Variants in GPC5 observed in about 807,000 individuals in gnomAD.
GPC5 encodes glypican-5.
A neutral mutation model predicts 53.9 loss-of-function variants in GPC5; 47 were observed. That is an observed-to-expected ratio of 0.87 (90% CI 0.69 to 1.11). The LOEUF is 1.11. Ranked by LOEUF, GPC5 falls within the 50% of genes most tolerant of loss-of-function variation. The pLI is 0.00. For missense variants in GPC5, 748 were observed against 713.1 expected, an observed-to-expected ratio of 1.05 and a Z score of -0.56; for synonymous variants, 286 against 263.3, an observed-to-expected ratio of 1.09 and a Z score of -0.84.
intron 7 of GPC5, among the ~76,000 whole-genome samples, chr13:92,663,205 AT>A (rs1318166862): frequency 7.3e-5 from 11 of 151,464 alleles, no homozygotes; most frequent in Admixed American, 3.3e-4. Context: ...TCGGAGAATA[AT>A]TTTTTTTTAG....
chr13:92,210,082 C>A (rs1301747315), intron 7 of GPC5, among the ~76,000 whole-genome samples: 1 of 152,046 alleles, frequency 6.6e-6, no homozygotes. Context: ...GGTGGATCGG[C>A]CTTTCCCAGT....
intron 7 of GPC5, among the ~76,000 whole-genome samples, chr13:92,328,744 A>G (rs1313147186): frequency 6.6e-6 from 1 of 152,168 alleles, no homozygotes. Context: ...TCCACACTTC[A>G]GGGTGTTACT....
chr13:92,432,299 A>G (rs146695558), intron 7 of GPC5, among the ~76,000 whole-genome samples: 20 of 141,622 alleles, frequency 1.4e-4, no homozygotes, highest in Non-Finnish European at 2.6e-4. Context: ...AGTCAATGGT[A>G]TTTTTTTATG....
intron 6 of GPC5, among the ~76,000 whole-genome samples, chr13:91,958,779 A>C (rs1278950838): frequency 6.6e-6 from 1 of 152,110 alleles, no homozygotes; most frequent in Non-Finnish European, 1.5e-5. Context: ...CTGAATTACA[A>C]CTGGGTCAAG....
chr13:92,579,348 T>G (rs1346448204), intron 7 of GPC5, among the ~76,000 whole-genome samples: 2 of 137,904 alleles, frequency 1.5e-5, no homozygotes, highest in East Asian at 2.5e-4. Context: ...TCTGCTTCAT[T>G]ACCCTTCCCA....
At chr13:92,350,448 A>G (rs2043466668) in intron 7 of GPC5, among the ~76,000 whole-genome samples, 1 of 152,208 alleles carries the variant, frequency 6.6e-6, no homozygotes, top group Non-Finnish European at 1.5e-5. Flanking sequence ...ACAGAAAGGC[A>G]AATACATGTT....
intron 2 of GPC5, among the ~76,000 whole-genome samples, chr13:91,571,241 G>A (rs1323191595): frequency 6.6e-6 from 1 of 151,996 alleles, no homozygotes; most frequent in African/African-American, 2.4e-5. Context: ...TCCTGTATTT[G>A]GAGATAAACA....
chr13:92,599,684 A>G (rs113632999), intron 7 of GPC5, among the ~76,000 whole-genome samples: 4,728 of 152,252 alleles, frequency 0.031, 210 homozygotes, highest in African/African-American at 0.096. Context: ...CTTGCTGATA[A>G]GCGGTTGAAG....
intron 7 of GPC5, among the ~76,000 whole-genome samples, chr13:92,422,513 CACACACACACACACACACAA>C (rs1876619644): frequency 7.9e-5 from 12 of 151,074 alleles, no homozygotes; most frequent in African/African-American, 2.2e-4. Context: ...CACACACACA[CACACACACACACACACACAA>C]CTTCTTGGAA....
chr13:91,594,710 A>G (rs1465527137), intron 2 of GPC5, among the ~76,000 whole-genome samples: 1 of 151,928 alleles, frequency 6.6e-6, no homozygotes, highest in Non-Finnish European at 1.5e-5. Flanking sequence ...ACAGGGTCTC[A>G]CCCTGTCACC....
At chr13:91,798,024 CAT>C (rs2038074544) in intron 5 of GPC5, among the ~76,000 whole-genome samples, 1 of 152,060 alleles carries the variant, frequency 6.6e-6, no homozygotes, top group African/African-American at 2.4e-5. Context: ...AAGTAACTGA[CAT>C]AGGATTTGTG....
chr13:91,899,824 G>T (rs2039479333), intron 5 of GPC5, among the ~76,000 whole-genome samples: 1 of 152,122 alleles, frequency 6.6e-6, no homozygotes, highest in South Asian at 2.1e-4. Context: ...CCTCCTGAGG[G>T]TCTTCAGAGG....
intron 7 of GPC5, among the ~76,000 whole-genome samples, chr13:92,171,269 T>G (rs1012018830): frequency 5.9e-5 from 9 of 152,168 alleles, no homozygotes; most frequent in African/African-American, 2.2e-4. Flanking sequence ...AATTGTCCAT[T>G]TTTGCCTCTG....
intron 4 of GPC5, among the ~76,000 whole-genome samples, chr13:91,745,124 G>A (rs1028690319): frequency 1.3e-5 from 2 of 151,866 alleles, no homozygotes; most frequent in African/African-American, 4.8e-5. Context: ...ATGGAGAACA[G>A]AGGTAGTGTT....
chr13:91,417,740 G>A (rs1472709184), intron 1 of GPC5, among the ~76,000 whole-genome samples: 1 of 152,142 alleles, frequency 6.6e-6, no homozygotes, highest in Non-Finnish European at 1.5e-5. Flanking sequence ...CTTGTTATAA[G>A]CATATATGCC....
At chr13:91,589,294 C>T (rs7332973) in intron 2 of GPC5, among the ~76,000 whole-genome samples, 53,273 of 151,690 alleles carry the variant, frequency 0.35, 10,193 homozygotes, top group African/African-American at 0.51. Flanking sequence ...CTTGGGTTTC[C>T]TCCTTTGCCT....
At chr13:92,271,586 GT>G (rs2042840205) in intron 7 of GPC5, among the ~76,000 whole-genome samples, 1 of 152,164 alleles carries the variant, frequency 6.6e-6, no homozygotes, top group African/African-American at 2.4e-5. Flanking sequence ...AAAGTTATAA[GT>G]TGTAATCCTC....
chr13:92,208,089 C>T (rs771031935), intron 7 of GPC5, among the ~76,000 whole-genome samples: 5 of 152,134 alleles, frequency 3.3e-5, no homozygotes, highest in Non-Finnish European at 7.4e-5. Flanking sequence ...TGAATTCAGC[C>T]GTTCTCTGCA....
intron 7 of GPC5, among the ~76,000 whole-genome samples, chr13:92,368,027 C>A (rs565918650): frequency 6.6e-6 from 1 of 152,220 alleles, no homozygotes; most frequent in South Asian, 2.1e-4. Flanking sequence ...CTCTGTCACC[C>A]AGCCTGGAGT....
Sources: gnomAD v4.1 joint callset for allele counts (sites outside exome capture counted in the v4.1 genomes callset) on GRCh38, gnomAD v4.1.1 for gene constraint, MANE v1.5 for transcripts, NCBI Gene and HGNC (gene_info 2026-07-23, HGNC 2026-07-21) for gene names.